CNTN6: variants seen among roughly 807,000 people sequenced by gnomAD.
CNTN6 encodes the protein contactin-6.
In CNTN6, 137 loss-of-function variants were observed where a neutral mutation model predicts 122.8. The ratio of observed to expected loss-of-function variants is 1.12; its 90% CI spans 0.97 to 1.29. CNTN6 has a LOEUF of 1.29. CNTN6 is among the 50% of genes most tolerant of loss of function. CNTN6 has a pLI of 0.00. For synonymous variants in CNTN6, 570 were observed against 426.0 expected (o/e 1.34, Z -4.16); for missense variants, 1,634 against 1,223.4 (o/e 1.34, Z -5.01).
chr3:1,135,875 C>A (rs750149121), intron 1 of CNTN6, among the ~76,000 whole-genome samples: 2 of 152,022 alleles, frequency 1.3e-5, no homozygotes, highest in Non-Finnish European at 2.9e-5. Context: ...GCCTGTAATC[C>A]CAGCTACTCG....
chr3:1,392,556 G>A (rs1168787243), intron 20 of CNTN6, among the ~76,000 whole-genome samples: 1 of 148,444 alleles, frequency 6.7e-6, no homozygotes, highest in Non-Finnish European at 1.5e-5. Context: ...ATTGACAAAT[G>A]GGATCTAATT....
chr3:1,370,548 G>T (rs1210940931), intron 12 of CNTN6, among the ~76,000 whole-genome samples: 2 of 152,068 alleles, frequency 1.3e-5, no homozygotes, highest in African/African-American at 4.8e-5. Context: ...GACAAAATTA[G>T]AATATAAAGT....
intron 2 of CNTN6, among the ~76,000 whole-genome samples, chr3:1,199,438 C>G (rs974927814): frequency 6.6e-6 from 1 of 151,972 alleles, no homozygotes; most frequent in African/African-American, 2.4e-5. Flanking sequence ...CCTTGGCCCC[C>G]CAAAGTGCTG....
At position 1,158,840 on chromosome 3, in the gene CNTN6, A is replaced by ATATATATGTGTGTGTATATATATG. The variant is rs530749267; in HGVS notation, c.55+10784_55+10785insGTGTGTGTATATATATGTATATAT. Among the ~76,000 whole-genome samples the ATATATATGTGTGTGTATATATATG allele has an allele frequency of 9.0e-3, 743 of 82,552 alleles. 6 individuals carry two copies. Among genetic ancestry groups the ATATATATGTGTGTGTATATATATG allele is most frequent in the Non-Finnish European group, 0.013 (568 of 44,278 alleles). 54.2% of individuals were successfully genotyped at this position (82,552 alleles called of 152,430 possible). A position where few individuals can be genotyped will look rare whatever the true frequency, so the allele number is the denominator to read the frequency against. On this transcript the variant is annotated intron_variant, in intron 2 of 22. Transcript: ENST00000446702. ...TACACACACATATATATACACACAC[A>ATATATATGTGTGTGTATATATATG]TATATATACATACATATATATACAC... is the stretch of plus-strand genomic sequence containing the variant.
chr3:1,341,772 G>T (rs1703926406), intron 11 of CNTN6, among the ~76,000 whole-genome samples: 1 of 152,130 alleles, frequency 6.6e-6, no homozygotes, highest in Admixed American at 6.6e-5. Context: ...GTTTAAGACA[G>T]TTGAACCAAA....
At chr3:1,271,685 A>G (rs566206026) in intron 4 of CNTN6, among the ~76,000 whole-genome samples, 1 of 152,344 alleles carries the variant, frequency 6.6e-6, no homozygotes, top group South Asian at 2.1e-4. Flanking sequence ...TCAGAAACAG[A>G]GCCACTTCTA....
At chr3:1,141,780 G>A (rs935532342) in intron 1 of CNTN6, among the ~76,000 whole-genome samples, 2 of 152,250 alleles carry the variant, frequency 1.3e-5, no homozygotes, top group East Asian at 1.9e-4. Context: ...CCACCATAGA[G>A]TAAGATGTTT....
At chr3:1,384,174 A>G (rs1202137859) in intron 19 of CNTN6, among the ~76,000 whole-genome samples, 2 of 152,216 alleles carry the variant, frequency 1.3e-5, no homozygotes, top group Non-Finnish European at 2.9e-5. Context: ...ACAATTATGC[A>G]TTGTACCCTT....
chr3:1,237,810 A>C (rs904865773), intron 4 of CNTN6, among the ~76,000 whole-genome samples: 6 of 152,180 alleles, frequency 3.9e-5, no homozygotes, highest in Non-Finnish European at 7.3e-5. Flanking sequence ...AAGCTTCATA[A>C]ATGAAGGAAA....
intron 2 of CNTN6, among the ~76,000 whole-genome samples, chr3:1,198,359 G>A (rs2093808451): frequency 6.6e-6 from 1 of 152,124 alleles, no homozygotes; most frequent in African/African-American, 2.4e-5. Context: ...AAAAAGAATA[G>A]CTTTGAATCC....
At chr3:1,241,190 C>A (rs1014024229) in intron 4 of CNTN6, among the ~76,000 whole-genome samples, 4 of 152,112 alleles carry the variant, frequency 2.6e-5, no homozygotes, top group African/African-American at 4.8e-5. Flanking sequence ...TGTATACGTG[C>A]AAGTTACAGG....
At chr3:1,358,204 C>G (rs1706896842) in intron 12 of CNTN6, among the ~76,000 whole-genome samples, 1 of 151,932 alleles carries the variant, frequency 6.6e-6, no homozygotes, top group East Asian at 1.9e-4. Context: ...TACGTTTATT[C>G]TGCAGGTAAC....
At chr3:1,222,608 T>A (rs903360080) in intron 3 of CNTN6, among the ~76,000 whole-genome samples, 1 of 152,198 alleles carries the variant, frequency 6.6e-6, no homozygotes, top group Non-Finnish European at 1.5e-5. Flanking sequence ...TGTTGTTAAA[T>A]GGCTTTTATT....
chr3:1,358,458 A>ATTTTT (rs34913678), intron 12 of CNTN6, among the ~76,000 whole-genome samples: 1 of 144,750 alleles, frequency 6.9e-6, no homozygotes, highest in African/African-American at 2.5e-5. Context: ...CTCTAGGGCC[A>ATTTTT]TTTTTTTTTT....
intron 2 of CNTN6, among the ~76,000 whole-genome samples, chr3:1,166,369 C>T (rs1198746939): frequency 6.6e-6 from 1 of 152,100 alleles, no homozygotes; most frequent in Non-Finnish European, 1.5e-5. Context: ...CCCAAGTACA[C>T]ATATATTCTT....
At chr3:1,248,139 G>A (rs1285996595) in intron 4 of CNTN6, among the ~76,000 whole-genome samples, 1 of 152,138 alleles carries the variant, frequency 6.6e-6, no homozygotes, top group African/African-American at 2.4e-5. Context: ...TTTCCTTTGA[G>A]CATTCCTTCA....
intron 5 of CNTN6, among the ~76,000 whole-genome samples, chr3:1,291,237 T>A (rs1239248359): frequency 6.6e-6 from 1 of 152,228 alleles, no homozygotes; most frequent in Non-Finnish European, 1.5e-5. Context: ...CTGAATTTAT[T>A]ATTAATCTTT....
intron 7 of CNTN6, among the ~76,000 whole-genome samples, chr3:1,314,448 AT>A (rs1699820184): frequency 6.6e-6 from 1 of 152,080 alleles, no homozygotes; most frequent in South Asian, 2.1e-4. Context: ...TATGGCTTGG[AT>A]TTAAGCTGTA....
intron 2 of CNTN6, among the ~76,000 whole-genome samples, chr3:1,204,293 T>C (rs2093927697): frequency 6.6e-6 from 1 of 152,154 alleles, no homozygotes; most frequent in South Asian, 2.1e-4. Flanking sequence ...GAGACATTTT[T>C]AAAAAACGCT....
Sources: allele counts gnomAD v4.1 joint callset (sites outside exome capture counted in the v4.1 genomes callset), GRCh38; gene constraint gnomAD v4.1.1; transcripts MANE v1.5; gene names NCBI Gene and HGNC (gene_info 2026-07-23, HGNC 2026-07-21).